The following MADD variants were observed in gnomAD, a reference collection of about 807,000 sequenced individuals.
MADD encodes MAP kinase activating death domain, also known as MAP kinase-activating death domain protein.
In MADD, 109 loss-of-function variants were observed where a neutral mutation model predicts 176.7. The observed-to-expected ratio is 0.62, with a 90% CI of 0.53 to 0.72. The LOEUF (loss-of-function observed/expected upper bound fraction) is 0.72. MADD is among the 30% of genes least tolerant of loss of function. MADD has a pLI of 0.00. For synonymous variants in MADD, 771 were observed against 771.3 expected (o/e 1.00, Z 0.01); for missense variants, 1,914 against 2,045.5 (o/e 0.94, Z 1.24).
chr11:47,308,630 C>G (rs767287689), exon 23 of MADD: 1 of 1,613,994 alleles, frequency 6.2e-7, no homozygotes, highest in Non-Finnish European at 8.5e-7. Context: ...AAAGGAGAAG[C>G]TGGCAGGCAG....
At chr11:47,291,112 C>T (rs1472275320) in intron 19 of MADD, among the ~76,000 whole-genome samples, 1 of 152,054 alleles carries the variant, frequency 6.6e-6, no homozygotes, top group Middle Eastern at 3.2e-3. Context: ...CTTTTATTTA[C>T]GTCTGCATTT....
intron 25 of MADD, 90 bp downstream of exon 28, chr11:47,309,702 T>C: frequency 1.1e-6 from 1 of 920,724 alleles, no homozygotes; most frequent in Non-Finnish European, 1.8e-6. Context: ...GCTGGGAAGC[T>C]ATCAAGGTAT....
chr11:47,276,884 C>T (rs543877924), intron 5 of MADD, 21 bp downstream of exon 5: 89 of 1,611,654 alleles, frequency 5.5e-5, no homozygotes, highest in South Asian at 2.4e-4. Flanking sequence ...AGGCGACTTC[C>T]GGCTTTCTCA....
chr11:47,269,223 AAAT>A, upstream of MADD: 1 of 154,076 alleles, frequency 6.5e-6, no homozygotes, highest in Admixed American at 6.4e-5. Context: ...GGAGAGTCAC[AAAT>A]GACAGCCTTG....
At chr11:47,316,220 A>T (rs1037251593) in intron 27 of MADD, among the ~76,000 whole-genome samples, 1 of 152,044 alleles carries the variant, frequency 6.6e-6, no homozygotes, top group Middle Eastern at 3.2e-3. Context: ...ATATAGTCAC[A>T]TTGTTCATAA....
At chr11:47,297,239 A>G (rs1480433367) in intron 22 of MADD, among the ~76,000 whole-genome samples, 1 of 152,148 alleles carries the variant, frequency 6.6e-6, no homozygotes, top group African/African-American at 2.4e-5. Flanking sequence ...CAACTATTTA[A>G]AACTGGTTAT....
At chr11:47,300,505 T>G (rs1593657363) in intron 22 of MADD, among the ~76,000 whole-genome samples, 1 of 149,780 alleles carries the variant, frequency 6.7e-6, no homozygotes, top group African/African-American at 2.5e-5. Context: ...TGCGCCCAGC[T>G]TTTTTTCTTT....
At chr11:47,278,320 T>C in intron 6 of MADD, 42 bp downstream of exon 6, 2 of 1,420,846 alleles carry the variant, frequency 1.4e-6, no homozygotes, top group Non-Finnish European at 1.0e-6. Context: ...TAGAGGAGGA[T>C]TGCATTCTAG....
intron 15 of MADD, 65 bp from the exon 17 acceptor site, chr11:47,289,326 C>T (rs2063310592): frequency 7.6e-7 from 1 of 1,320,310 alleles, no homozygotes; most frequent in African/African-American, 1.4e-5. Context: ...CTACTTAGGG[C>T]TGTGCTGGCA....
At chr11:47,303,327 C>T (rs556341479) in intron 22 of MADD, among the ~76,000 whole-genome samples, 10 of 150,924 alleles carry the variant, frequency 6.6e-5, no homozygotes, top group South Asian at 4.2e-4. Flanking sequence ...CTGCAAGCTC[C>T]GCCTCCTGGG....
At position 47,315,215 on chromosome 11, in the gene MADD, A is replaced by T. The variant is rs777805670; in HGVS notation, c.4090-5A>T. On this transcript the variant is annotated splice_region_variant and splice_polypyrimidine_tract_variant and intron_variant, in intron 26 of 32. Transcript: ENST00000402192. Reference sequence around the variant, plus strand: ...ACTGTCCCTAAAAAATCTCTCTTTCATCAGAATGGACGCGATCTCTCTATC... The same window carrying T: ...ACTGTCCCTAAAAAATCTCTCTTTCTTCAGAATGGACGCGATCTCTCTATC... 3 of 1,599,654 alleles carry T rather than the reference A, an allele frequency of 1.9e-6. No homozygotes were observed. In the East Asian group the frequency reaches 6.7e-5, roughly 36 times the overall value.
At chr11:47,298,848 T>G (rs1244714688) in intron 22 of MADD, among the ~76,000 whole-genome samples, 1 of 152,190 alleles carries the variant, frequency 6.6e-6, no homozygotes, top group Non-Finnish European at 1.5e-5. Context: ...TTGGGTTGAT[T>G]TTTGTATATG....
rs1164313873 is a variant in MADD, at chr11:47,327,189, T to C, written c.4612+382T>C. ...TGCTGCAATCTCTCTAGCAGCCCAG[T>C]GCGCTAGCCAGCCTCCCTGGCGCCG... On this transcript the variant is annotated intron_variant, in intron 31 of 32. Transcript: ENST00000402192. 5.9e-6 allele frequency: 6 copies of C among 1,008,792 alleles called. No individual in the cohort carries two copies. The African/African-American group carries it at 8.6e-5, about 14-fold the overall frequency. 62.5% of individuals were successfully genotyped at this position (1,008,792 alleles called of 1,614,324 possible). A position where few individuals can be genotyped will look rare whatever the true frequency, so the allele number is the denominator to read the frequency against.
intron 25 of MADD, 38 bp downstream of exon 28, chr11:47,309,650 T>A: frequency 6.6e-7 from 1 of 1,507,320 alleles, no homozygotes; most frequent in Non-Finnish European, 9.2e-7. Flanking sequence ...CCGCTGATCC[T>A]AGAGGGGCAA....
chr11:47,317,000 T>G (rs1014571598), intron 27 of MADD, among the ~76,000 whole-genome samples: 1 of 152,218 alleles, frequency 6.6e-6, no homozygotes, highest in Non-Finnish European at 1.5e-5. Flanking sequence ...CACCTTAGCC[T>G]CACAAAGTGC....
exon 18 of MADD, chr11:47,290,213 A>G (rs768135729): frequency 1.9e-6 from 3 of 1,614,124 alleles, no homozygotes; most frequent in Non-Finnish European, 2.5e-6. Context: ...CTCAGCTTGG[A>G]GCAGTCCTAT....
At chr11:47,275,209 G>T in intron 3 of MADD, 50 bp downstream of exon 3, 3 of 1,516,998 alleles carry the variant, frequency 2.0e-6, no homozygotes, top group Non-Finnish European at 2.7e-6. Context: ...GAGATTCCAT[G>T]TAATTGGTCT....
At position 47,324,597 on chromosome 11, in the gene MADD, C is replaced by T. The variant is rs759058306; in HGVS notation, c.4542+20C>T. On this transcript the variant is annotated intron_variant, in intron 30 of 32. Coordinates refer to ENST00000402192, the Ensembl canonical transcript of MADD. ...AATCAGGTAGGTGCGAGCGGCAGCA[C>T]GAGGCTCCCTGTCGTTCCATCTGTA... 15 of 1,539,616 alleles carry T rather than the reference C, an allele frequency of 9.7e-6. No homozygotes were observed. The highest frequency in any genetic ancestry group is 5.5e-5 in the African/African-American group (4 of 73,374).
chr11:47,291,274 G>C (rs1021489169), intron 19 of MADD, among the ~76,000 whole-genome samples: 1 of 152,116 alleles, frequency 6.6e-6, no homozygotes, highest in African/African-American at 2.4e-5. Flanking sequence ...GGGCATGCCT[G>C]GCAACCCCAT....
Sources: allele counts gnomAD v4.1 joint callset (sites outside exome capture counted in the v4.1 genomes callset), GRCh38; gene constraint gnomAD v4.1.1; transcripts MANE v1.5; gene names NCBI Gene and HGNC (gene_info 2026-07-23, HGNC 2026-07-21).